Variants in FYB2 observed in about 807,000 individuals in gnomAD.
FYB2 encodes FYN binding protein 2.
FYB2 carries 103 observed loss-of-function variants against 94.1 expected under a neutral mutation model. The ratio of observed to expected loss-of-function variants is 1.09; its 90% CI spans 0.93 to 1.29. FYB2 has a LOEUF of 1.29. Among genes scored for constraint, FYB2 ranks in the 50% most tolerant of loss-of-function variants. FYB2 has a pLI of 0.00. For missense variants in FYB2, 896 were observed against 841.5 expected, an observed-to-expected ratio of 1.06 and a Z score of -0.80; for synonymous variants, 293 against 287.9, an observed-to-expected ratio of 1.02 and a Z score of -0.18.
At chr1:56,798,542 G>A (rs548764956) in intron 1 of FYB2, among the ~76,000 whole-genome samples, 28 of 152,242 alleles carry the variant, frequency 1.8e-4, no homozygotes, top group South Asian at 6.2e-4. Context: ...CTCTTCAAGT[G>A]TGGCATTGTT....
intron 1 of FYB2, among the ~76,000 whole-genome samples, chr1:56,800,752 G>A (rs1646501070): frequency 6.6e-6 from 1 of 152,086 alleles, no homozygotes; most frequent in Non-Finnish European, 1.5e-5. Flanking sequence ...TCCTCTAGTT[G>A]CAAGCACATA....
chr1:56,811,637 T>C (rs1218589397), intron 1 of FYB2, among the ~76,000 whole-genome samples: 2 of 152,140 alleles, frequency 1.3e-5, no homozygotes, highest in African/African-American at 2.4e-5. Flanking sequence ...ACAAGAGAAA[T>C]GTATTGCCTT....
chr1:56,814,356 T>C (rs536642665), intron 1 of FYB2, among the ~76,000 whole-genome samples: 2 of 152,262 alleles, frequency 1.3e-5, no homozygotes, highest in African/African-American at 4.8e-5. Flanking sequence ...GATTTTCCTT[T>C]TAGGACCATT....
At chr1:56,801,134 T>C (rs926010550) in intron 1 of FYB2, among the ~76,000 whole-genome samples, 2 of 152,154 alleles carry the variant, frequency 1.3e-5, no homozygotes. Flanking sequence ...CCTCAAGCTC[T>C]TCTATGAACT....
rs1018207737 is a variant in FYB2, at chr1:56,753,991, G to C, written c.1131-56C>G. On this transcript the variant is annotated intron_variant, in intron 7 of 19. Transcript: ENST00000343433. The stretch of plus-strand genomic sequence containing the variant: ...TGAAGCTTAGAGTGTTTAAATGATA[G>C]TGTACTGTCCAATCCTAAATGAAAT... 27 of 1,068,258 alleles carry C rather than the reference G, an allele frequency of 2.5e-5. No homozygotes were observed. The African/African-American group carries it at 3.6e-4, about 14-fold the overall frequency. 66.2% of individuals were successfully genotyped at this position (1,068,258 alleles called of 1,614,324 possible).
chr1:56,748,554 T>C lies in FYB2; in HGVS notation c.1387+2490A>G, dbSNP rs112828278. On this transcript the variant is annotated intron_variant, in intron 9 of 19. Transcript: ENST00000343433. ...TCAGGTTTGTCAAAGATCATATGGT[T>C]GTACATGTGTGATGTTACCTTCTCA... 6.9e-3 allele frequency among the ~76,000 whole-genome samples: 1,046 copies of C among 152,148 alleles called. 15 individuals are homozygous for C. Among genetic ancestry groups the C allele is most frequent in the African/African-American group, 0.024 (992 of 41,532 alleles).
At chr1:56,799,815 C>A (rs189054754) in intron 1 of FYB2, among the ~76,000 whole-genome samples, 171 of 152,268 alleles carry the variant, frequency 1.1e-3, no homozygotes, top group Middle Eastern at 3.4e-3. Flanking sequence ...CCGCTCTCTG[C>A]CTTAACATCT....
intron 1 of FYB2, among the ~76,000 whole-genome samples, chr1:56,801,235 C>T (rs913222987): frequency 1.3e-5 from 2 of 152,156 alleles, no homozygotes; most frequent in East Asian, 3.9e-4. Context: ...TTTCTTCTTC[C>T]ACTCTCCTCT....
At position 56,794,805 on chromosome 1, in the gene FYB2, A is replaced by G. The variant is rs149275986; in HGVS notation, c.10-2002T>C. On this transcript the variant is annotated intron_variant, in intron 1 of 19. Transcript: ENST00000343433. ...TCAGGAGATCTGAGTGTGAAACTCCACTTATCCATTTTCCACTTACGTGCC... is the reference window on the plus strand; with the variant it reads ...TCAGGAGATCTGAGTGTGAAACTCCGCTTATCCATTTTCCACTTACGTGCC... 6.6e-5 allele frequency among the ~76,000 whole-genome samples: 10 copies of G among 152,200 alleles called. No homozygotes were observed. In the East Asian group the frequency reaches 1.9e-3, roughly 30 times the overall value.
chr1:56,820,929 T>C (rs1356437249), upstream of FYB2, among the ~76,000 whole-genome samples: 4 of 152,340 alleles, frequency 2.6e-5, no homozygotes, highest in South Asian at 4.1e-4. Flanking sequence ...TGACATGCCA[T>C]TGAATTAAAT....
At chr1:56,801,971 A>G (rs1646532297) in intron 1 of FYB2, among the ~76,000 whole-genome samples, 1 of 152,140 alleles carries the variant, frequency 6.6e-6, no homozygotes, top group South Asian at 2.1e-4. Context: ...TGCAGTTTTT[A>G]GGGGCTGGAA....
chr1:56,764,748 G>T (rs1278121889), intron 5 of FYB2, among the ~76,000 whole-genome samples: 1 of 151,860 alleles, frequency 6.6e-6, no homozygotes, highest in East Asian at 1.9e-4. Context: ...AGCTTCAGCT[G>T]CCGTAACAAA....
At chr1:56,776,055 C>T (rs918645325) in intron 4 of FYB2, among the ~76,000 whole-genome samples, 1 of 152,150 alleles carries the variant, frequency 6.6e-6, no homozygotes, top group Non-Finnish European at 1.5e-5. Flanking sequence ...TGCTAAGTAG[C>T]AGAGGTGGGT....
At chr1:56,757,944 ATT>A (rs57915983) in intron 6 of FYB2, among the ~76,000 whole-genome samples, 73,020 of 138,836 alleles carry the variant, frequency 0.53, 19,235 homozygotes, top group East Asian at 0.81. Flanking sequence ...TAATTTTTGT[ATT>A]TTTTTTTTTT....
chr1:56,743,412 A>T (rs1644998975), intron 11 of FYB2, among the ~76,000 whole-genome samples: 1 of 152,068 alleles, frequency 6.6e-6, no homozygotes, highest in Admixed American at 6.6e-5. Context: ...GTACTATGAG[A>T]TTGTACACCA....
At chr1:56,785,216 A>G (rs957998938) in intron 4 of FYB2, among the ~76,000 whole-genome samples, 1 of 152,206 alleles carries the variant, frequency 6.6e-6, no homozygotes, top group African/African-American at 2.4e-5. Flanking sequence ...TAAATGCCAG[A>G]GAAGAGGTCA....
At chr1:56,797,688 C>A (rs1445041619) in intron 1 of FYB2, among the ~76,000 whole-genome samples, 1 of 152,204 alleles carries the variant, frequency 6.6e-6, no homozygotes, top group Non-Finnish European at 1.5e-5. Flanking sequence ...GGAACTGCCC[C>A]ATTCCCTTAG....
chr1:56,805,702 G>A (rs571635249), intron 1 of FYB2, among the ~76,000 whole-genome samples: 13 of 152,094 alleles, frequency 8.5e-5, no homozygotes, highest in East Asian at 5.8e-4. Context: ...ATTGAATCAC[G>A]GGGGCAAATC....
intron 1 of FYB2, among the ~76,000 whole-genome samples, chr1:56,807,277 C>T (rs943142497): frequency 6.6e-6 from 1 of 152,184 alleles, no homozygotes; most frequent in Non-Finnish European, 1.5e-5. Flanking sequence ...ATTGCTTTTA[C>T]TCCACAGCTA....
Sources: allele counts gnomAD v4.1 joint callset (sites outside exome capture counted in the v4.1 genomes callset), GRCh38; gene constraint gnomAD v4.1.1; transcripts MANE v1.5; gene names NCBI Gene and HGNC (gene_info 2026-07-23, HGNC 2026-07-21).